VAV3: variants seen among roughly 807,000 people sequenced by gnomAD.
The protein encoded by VAV3 is vav guanine nucleotide exchange factor 3, also known as guanine nucleotide exchange factor VAV3.
VAV3 carries 94 observed loss-of-function variants against 131.2 expected under a neutral mutation model. The ratio of observed to expected loss-of-function variants is 0.72; its 90% CI spans 0.61 to 0.85. The LOEUF (loss-of-function observed/expected upper bound fraction) is 0.85. VAV3 is among the 40% of genes least tolerant of loss of function. The pLI is 0.00. For synonymous variants in VAV3, 349 were observed against 342.0 expected (o/e 1.02, Z -0.22); for missense variants, 939 against 1,002.7 (o/e 0.94, Z 0.86).
At chr1:107,942,440 G>T (rs1437158285) in intron 1 of VAV3, among the ~76,000 whole-genome samples, 1 of 152,128 alleles carries the variant, frequency 6.6e-6, no homozygotes, top group East Asian at 1.9e-4. Flanking sequence ...AGGGACACTT[G>T]GCAACATTTT....
chr1:107,922,143 G>C (rs1377638189), intron 1 of VAV3, among the ~76,000 whole-genome samples: 2 of 152,160 alleles, frequency 1.3e-5, no homozygotes, highest in Non-Finnish European at 2.9e-5. Flanking sequence ...ACTCCAGCCA[G>C]AGGGTTGACA....
intron 25 of VAV3, among the ~76,000 whole-genome samples, chr1:107,588,388 A>C (rs1193379524): frequency 6.6e-6 from 1 of 152,220 alleles, no homozygotes; most frequent in Non-Finnish European, 1.5e-5. Flanking sequence ...ATCAGGGAAA[A>C]GGAGAAGGAC....
intron 6 of VAV3, among the ~76,000 whole-genome samples, chr1:107,770,280 C>A (rs1190483363): frequency 6.6e-6 from 1 of 151,916 alleles, no homozygotes; most frequent in South Asian, 2.1e-4. Context: ...TGCCACCAGC[C>A]CTCCCCCCCC....
intron 1 of VAV3, among the ~76,000 whole-genome samples, chr1:107,920,386 T>C (rs1281799175): frequency 6.6e-6 from 1 of 152,120 alleles, no homozygotes; most frequent in East Asian, 1.9e-4. Context: ...AGGGACAAAA[T>C]TCTTCTCCCC....
chr1:107,576,447 A>G lies in VAV3; in HGVS notation c.2351-2249T>C. 2.0e-6 allele frequency: 3 copies of G among 1,521,948 alleles called. 1 individual carries two copies. The highest frequency in any genetic ancestry group is 2.5e-5 in the South Asian group (2 of 81,286). 94.3% of individuals were successfully genotyped at this position (1,521,948 alleles called of 1,614,324 possible). The stretch of plus-strand genomic sequence containing the variant: ...CAAAGCTGTAGTCTGGAGGAGTTAC[A>G]AAAGAAAAGCCACAGAACAAAGAGG... On this transcript the variant is annotated intron_variant, in intron 25 of 26. Coordinates refer to ENST00000370056, the MANE Select transcript of VAV3 (RefSeq NM_006113.5).
At chr1:107,862,985 G>C (rs1669809996) in intron 2 of VAV3, among the ~76,000 whole-genome samples, 1 of 151,170 alleles carries the variant, frequency 6.6e-6, no homozygotes, top group Admixed American at 6.6e-5. Flanking sequence ...TCAAAAAAAG[G>C]AACAAAGGGA....
chr1:107,892,386 A>G (rs1184393261), intron 1 of VAV3, among the ~76,000 whole-genome samples: 1 of 152,178 alleles, frequency 6.6e-6, no homozygotes, highest in South Asian at 2.1e-4. Context: ...CTAAAGATAC[A>G]AAGAGAAGAC....
At chr1:107,906,539 A>C (rs954989962) in intron 1 of VAV3, among the ~76,000 whole-genome samples, 1 of 151,964 alleles carries the variant, frequency 6.6e-6, no homozygotes, top group South Asian at 2.1e-4. Flanking sequence ...GGTGGCAGGC[A>C]CCTGTAGTCC....
chr1:107,794,534 C>T (rs1327177750), intron 2 of VAV3, among the ~76,000 whole-genome samples: 1 of 151,726 alleles, frequency 6.6e-6, no homozygotes, highest in African/African-American at 2.4e-5. Flanking sequence ...TTTGAGATTC[C>T]CTTCTCTCTT....
chr1:107,634,767 A>G (rs900462978), intron 20 of VAV3, among the ~76,000 whole-genome samples: 1 of 151,664 alleles, frequency 6.6e-6, no homozygotes, highest in African/African-American at 2.4e-5. Flanking sequence ...AACTCAAACA[A>G]ATTTACAAGA....
chr1:107,575,002 C>T (rs796919505), intron 25 of VAV3, among the ~76,000 whole-genome samples: 42,666 of 84,748 alleles, frequency 0.5, 6,986 homozygotes, highest in East Asian at 0.68. Context: ...TGCGTGCGTG[C>T]GCGCGCGCGC....
chr1:107,600,339 T>C (rs1215723429), intron 24 of VAV3, among the ~76,000 whole-genome samples: 2 of 152,200 alleles, frequency 1.3e-5, no homozygotes, highest in Non-Finnish European at 2.9e-5. Flanking sequence ...AGATTTTTTT[T>C]CCAGCTCCTT....
In VAV3 at chr1:107,758,385, C is replaced by A. The variant is rs148165481; in HGVS notation, c.1018-1056G>T. Among the ~76,000 whole-genome samples the A allele has an allele frequency of 1.4e-3, 208 of 152,126 alleles. 5 individuals carry two copies. In the East Asian group the frequency reaches 0.037, roughly 27 times the overall value. On this transcript the variant is annotated intron_variant, in intron 10 of 26. Coordinates refer to ENST00000370056, the MANE Select transcript of VAV3 (RefSeq NM_006113.5). ...AGGAATTTGAGATCAGCCTGGGCAA[C>A]ATGACAAGACCCCATCTCTACAAAA...
At chr1:107,590,655 C>A (rs1650875297) in intron 25 of VAV3, among the ~76,000 whole-genome samples, 1 of 152,196 alleles carries the variant, frequency 6.6e-6, no homozygotes, top group South Asian at 2.1e-4. Flanking sequence ...TCTATCTCTT[C>A]TGTTTCCTGG....
At chr1:107,776,662 GATCCATGTCATCAGTTCCTTGA>G (rs1665374996) in intron 4 of VAV3, among the ~76,000 whole-genome samples, 1 of 152,200 alleles carries the variant, frequency 6.6e-6, no homozygotes, top group Non-Finnish European at 1.5e-5. Context: ...AAACATGCCT[GATCCATGTCATCAGTTCCTTGA>G]GGAGTAACGA....
In VAV3 at chr1:107,749,678, GT is replaced by G. The variant is rs879419202; in HGVS notation, c.1260-85del. On this transcript the variant is annotated intron_variant, in intron 13 of 26. Transcript: ENST00000370056. ...TTTTTTGGGTATAAAGCAACCAAAT[GT>G]TTTTTTCTTTGCATTAAAGACAACA... 8.1e-6 allele frequency: 12 copies of G among 1,484,154 alleles called. No homozygotes were observed. The South Asian group carries it at 1.4e-4, about 17-fold the overall frequency. The allele number at this position is 1,484,154 out of a possible 1,614,324, so 91.9% of individuals were successfully genotyped here. A position where few individuals can be genotyped will look rare whatever the true frequency, so the allele number is the denominator to read the frequency against.
chr1:107,644,530 C>A (rs1033999716), intron 19 of VAV3, among the ~76,000 whole-genome samples: 3 of 152,100 alleles, frequency 2.0e-5, no homozygotes, highest in Non-Finnish European at 4.4e-5. Flanking sequence ...GTCTCAAATA[C>A]TGGGGCCAGT....
intron 19 of VAV3, among the ~76,000 whole-genome samples, chr1:107,653,743 G>T (rs1353206880): frequency 7.2e-5 from 11 of 152,030 alleles, no homozygotes; most frequent in Non-Finnish European, 1.6e-4. Context: ...ATAGGAGGAG[G>T]CTAACTATGT....
intron 2 of VAV3, among the ~76,000 whole-genome samples, chr1:107,790,746 T>C (rs1470235991): frequency 1.4e-5 from 2 of 140,608 alleles, no homozygotes; most frequent in African/African-American, 5.3e-5. Context: ...GGAGTACAGT[T>C]GCATGATCTT....
Sources: allele counts gnomAD v4.1 joint callset (sites outside exome capture counted in the v4.1 genomes callset), GRCh38; gene constraint gnomAD v4.1.1; transcripts MANE v1.5; gene names NCBI Gene and HGNC (gene_info 2026-07-23, HGNC 2026-07-21).